SMARCA2: variants seen among roughly 807,000 people sequenced by gnomAD.
SMARCA2 encodes SWI/SNF related BAF chromatin remodeling complex subunit ATPase 2, also known as SWI/SNF-related matrix-associated actin-dependent regulator of chromatin subfamily A member 2.
Under a neutral mutation model 199.8 loss-of-function variants are expected in SMARCA2, and 61 were observed. The ratio of observed to expected loss-of-function variants is 0.31; its 90% CI spans 0.25 to 0.38. SMARCA2 has a LOEUF of 0.38. SMARCA2 is among the 10% of genes least tolerant of loss of function. SMARCA2 has a pLI of 1.00. For synonymous variants in SMARCA2, 935 were observed against 732.0 expected (o/e 1.28, Z -4.48); for missense variants, 1,344 against 2,012.2 (o/e 0.67, Z 6.35).
intron 27 of SMARCA2, among the ~76,000 whole-genome samples, chr9:2,137,697 A>G (rs1162056711): frequency 6.6e-6 from 1 of 152,194 alleles, no homozygotes; most frequent in Non-Finnish European, 1.5e-5. Flanking sequence ...CGAGAAAGCC[A>G]GGGCCTTTGC....
intron 9 of SMARCA2, among the ~76,000 whole-genome samples, chr9:2,064,245 C>G (rs1820729445): frequency 6.6e-6 from 1 of 152,140 alleles, no homozygotes; most frequent in South Asian, 2.1e-4. Context: ...AAAATCAAAA[C>G]TACATGAGAA....
chr9:2,125,264 G>A (rs1316185886), intron 27 of SMARCA2, among the ~76,000 whole-genome samples: 1 of 152,144 alleles, frequency 6.6e-6, no homozygotes, highest in Non-Finnish European at 1.5e-5. Flanking sequence ...TGTGTGATTA[G>A]TTTGTCGTAT....
At chr9:2,051,456 AC>A (rs1371669516) in intron 5 of SMARCA2, among the ~76,000 whole-genome samples, 3 of 151,290 alleles carry the variant, frequency 2.0e-5, no homozygotes, top group African/African-American at 7.3e-5. Flanking sequence ...CGGGGTTCCC[AC>A]CCCCCATCTC....
Position 2,170,964 on chromosome 9 carries a change from G to T in SMARCA2, c.4253+492G>T, listed in dbSNP as rs73376708. Among the ~76,000 whole-genome samples the T allele has an allele frequency of 2.9e-3, 443 of 152,316 alleles. 2 individuals carry two copies. The highest frequency in any genetic ancestry group is 9.9e-3 in the African/African-American group (411 of 41,570). ...TCATGGCATGCAGAGGGCAATTGCT[G>T]AGTTGTCTCTTGTTTGTGTGATGGG... On this transcript the variant is annotated intron_variant, in intron 29 of 33. Transcript: ENST00000349721. This position sits in a 1 kb window ranked among gnomAD's most constrained non-coding sequence, Gnocchi z 4.7.
intron 27 of SMARCA2, among the ~76,000 whole-genome samples, chr9:2,138,190 A>G (rs1305004477): frequency 6.6e-6 from 1 of 152,196 alleles, no homozygotes; most frequent in Non-Finnish European, 1.5e-5. Context: ...ACAACAAAAA[A>G]AAAACAGATA....
At chr9:2,072,485 A>G (rs987586495) in intron 10 of SMARCA2, among the ~76,000 whole-genome samples, 3 of 152,210 alleles carry the variant, frequency 2.0e-5, no homozygotes, top group African/African-American at 4.8e-5. Flanking sequence ...ACTCAAAGAT[A>G]CCAATAGTTG....
chr9:2,174,924 CAAAAAAAAAAAAAAA>C (rs61327057), intron 29 of SMARCA2, among the ~76,000 whole-genome samples: 28 of 62,320 alleles, frequency 4.5e-4, no homozygotes, highest in Non-Finnish European at 6.7e-4. Context: ...GACCCTCTCT[CAAAAAAAAAAAAAAA>C]AAAAAAAAAA....
At chr9:2,021,573 A>G (rs532214058) in intron 1 of SMARCA2, among the ~76,000 whole-genome samples, 220 of 152,312 alleles carry the variant, frequency 1.4e-3, no homozygotes, top group African/African-American at 5.0e-3. Context: ...GCCCTCTCCC[A>G]TCTTCCCCCC....
intron 21 of SMARCA2, among the ~76,000 whole-genome samples, chr9:2,099,763 G>C (rs1822429118): frequency 6.6e-6 from 1 of 152,120 alleles, no homozygotes; most frequent in African/African-American, 2.4e-5. Context: ...AATCCTGCCA[G>C]ATGCTGAGCC....
chr9:2,048,407 T>C (rs369081984), intron 5 of SMARCA2, among the ~76,000 whole-genome samples: 1 of 152,326 alleles, frequency 6.6e-6, no homozygotes, highest in East Asian at 1.9e-4. Flanking sequence ...CCTCTCATAG[T>C]GTTGGGAAGA....
intron 28 of SMARCA2, among the ~76,000 whole-genome samples, chr9:2,163,693 A>T (rs2129654782): frequency 6.6e-6 from 1 of 152,208 alleles, no homozygotes; most frequent in Non-Finnish European, 1.5e-5. Context: ...ATGGGCTGTG[A>T]TGTGTGACAG....
chr9:2,028,001 T>C (rs1818905158), intron 1 of SMARCA2, among the ~76,000 whole-genome samples: 1 of 152,260 alleles, frequency 6.6e-6, no homozygotes, highest in African/African-American at 2.4e-5. Context: ...GTACCCACTC[T>C]ATGAGGCATT....
At chr9:2,138,735 G>C (rs1029893548) in intron 27 of SMARCA2, among the ~76,000 whole-genome samples, 1 of 152,068 alleles carries the variant, frequency 6.6e-6, no homozygotes, top group African/African-American at 2.4e-5. Flanking sequence ...CTCTACATTG[G>C]AGTCATGAAA....
At chr9:2,074,735 C>T (rs772589034) in intron 12 of SMARCA2, among the ~76,000 whole-genome samples, 4 of 152,102 alleles carry the variant, frequency 2.6e-5, no homozygotes, top group Non-Finnish European at 5.9e-5. Context: ...GGCGTGGTGA[C>T]GCATGCCCGC....
At chr9:2,043,820 C>T (rs193061356) in intron 4 of SMARCA2, 34 of 152,282 alleles carry the variant, frequency 2.2e-4, no homozygotes, top group African/African-American at 7.7e-4. Flanking sequence ...CGCTTAGCTG[C>T]GCTGGGACTC....
intron 3 of SMARCA2, among the ~76,000 whole-genome samples, chr9:2,033,707 C>G (rs1037889771): frequency 5.3e-5 from 8 of 152,234 alleles, no homozygotes; most frequent in African/African-American, 1.9e-4. Flanking sequence ...CAGGGCCATG[C>G]TCTCTCTGAA....
At chr9:2,126,697 T>C (rs1449262397) in intron 27 of SMARCA2, among the ~76,000 whole-genome samples, 3 of 152,260 alleles carry the variant, frequency 2.0e-5, no homozygotes, top group African/African-American at 7.2e-5. Context: ...AAAGCCTGCT[T>C]GGCAGAGACA....
intron 32 of SMARCA2, among the ~76,000 whole-genome samples, chr9:2,188,260 C>T (rs1423953622): frequency 6.6e-6 from 1 of 152,032 alleles, no homozygotes; most frequent in East Asian, 1.9e-4. Context: ...CTCTGTTAAT[C>T]AGGCTGTTTC....
At chr9:2,125,297 T>A (rs1823639575) in intron 27 of SMARCA2, among the ~76,000 whole-genome samples, 1 of 152,200 alleles carries the variant, frequency 6.6e-6, no homozygotes, top group South Asian at 2.1e-4. Context: ...TCCAGTGACC[T>A]CAGAATATGA....
Sources: gnomAD v4.1 joint callset for allele counts (sites outside exome capture counted in the v4.1 genomes callset) on GRCh38, gnomAD v4.1.1 for gene constraint, Gnocchi (gnomAD v3.1) non-coding constraint, MANE v1.5 for transcripts, NCBI Gene and HGNC (gene_info 2026-07-23, HGNC 2026-07-21) for gene names.